Variants in SH2B3 observed in about 807,000 individuals in gnomAD.
SH2B3 encodes the protein SH2B adapter protein 3.
Under a neutral mutation model 51.9 loss-of-function variants are expected in SH2B3, and 43 were observed. That is an observed-to-expected ratio of 0.83 (90% confidence interval 0.65 to 1.07). The LOEUF (loss-of-function observed/expected upper bound fraction) is 1.07, where lower values mean the gene tolerates loss of function less well. Among genes scored for constraint, SH2B3 ranks in the 50% least tolerant of loss-of-function variants. SH2B3 has a pLI of 0.00. For missense variants in SH2B3, 952 were observed against 834.3 expected (o/e 1.14, Z -1.74); for synonymous variants, 396 against 376.0 (o/e 1.05, Z -0.62).
rs1871211047 is a variant in SH2B3 at position 111,418,083 on chromosome 12, T to A, written c.-27-36T>A. ...GCCTACACCTGCTTGCCCACCTGCT[T>A]ACTCCTTGTCGCCCCCCCACCCACG... On this transcript the variant is annotated intron_variant, in intron 1 of 7. Coordinates refer to ENST00000341259, the MANE Select transcript of SH2B3 (RefSeq NM_005475.3). This position sits in a 1 kb window ranked among gnomAD's most constrained non-coding sequence, Gnocchi z 6.7. 2 of 1,460,858 alleles carry A rather than the reference T, an allele frequency of 1.4e-6. No homozygotes were observed. The highest frequency in any genetic ancestry group is 1.4e-5 in the South Asian group (1 of 71,206). The allele number at this position is 1,460,858 out of a possible 1,614,324, so 90.5% of individuals were successfully genotyped here.
chr12:111,447,244 T>A, intron 5 of SH2B3, 25 bp downstream of exon 5: 1 of 1,598,804 alleles, frequency 6.3e-7, no homozygotes, highest in Non-Finnish European at 8.6e-7. Flanking sequence ...AGCTAGGCCA[T>A]TGTCTTCTGG....
intron 2 of SH2B3, among the ~76,000 whole-genome samples, chr12:111,445,235 A>G (rs929324482): frequency 6.6e-6 from 1 of 152,178 alleles, no homozygotes; most frequent in African/African-American, 2.4e-5. Flanking sequence ...GTGATCCTTA[A>G]GGCCTGCAGC....
At chr12:111,423,121 G>A (rs1460831222) in intron 2 of SH2B3, among the ~76,000 whole-genome samples, 1 of 152,204 alleles carries the variant, frequency 6.6e-6, no homozygotes, top group African/African-American at 2.4e-5. Flanking sequence ...AGATGAAGAG[G>A]CCGGTGTGGT....
At chr12:111,444,976 G>A in intron 2 of SH2B3, 2 of 687,428 alleles carry the variant, frequency 2.9e-6, no homozygotes, top group South Asian at 6.4e-5. Flanking sequence ...CCTGGGTTGT[G>A]CTCAGCCAGC....
intron 2 of SH2B3, among the ~76,000 whole-genome samples, chr12:111,426,501 G>A (rs915263854): frequency 6.6e-6 from 1 of 151,508 alleles, no homozygotes; most frequent in Admixed American, 6.6e-5. Context: ...TGGGATTACA[G>A]GCGTGAGCCA....
Position 111,447,150 on chromosome 12 carries a change from C to T in SH2B3, c.952C>T (p.His318Tyr). 1.9e-6 allele frequency: 3 copies of T among 1,613,964 alleles called. No individual in the cohort carries two copies. Among genetic ancestry groups the T allele is most frequent in the Non-Finnish European group, 2.5e-6 (3 of 1,179,820 alleles). Residue 318 changes from histidine to tyrosine, a missense_variant, in exon 5 of 8, where the codon CAT becomes TAT. Physicochemically the swap from His to Tyr is moderately conservative, Grantham distance 83 (BLOSUM62 2). Transcript: ENST00000341259. ...GCTGGAGAGCACAGAAGCAGAGATGCATATTCCCTCAGCCCTAGAGCCTAG... is the reference window on the plus strand; with the variant it reads ...GCTGGAGAGCACAGAAGCAGAGATGTATATTCCCTCAGCCCTAGAGCCTAG... Reference protein sequence around the residue: ...RGLESTEAEMHIPSALEPSTS... With the variant: ...RGLESTEAEMYIPSALEPSTS...
Position 111,448,225 on chromosome 12 carries a change from C to G in SH2B3, c.1651C>G (p.Arg551Gly), listed in dbSNP as rs376914049. 3 of 1,614,112 alleles carry G rather than the reference C, an allele frequency of 1.9e-6. No homozygotes were observed. The highest frequency in any genetic ancestry group is 2.5e-6 in the Non-Finnish European group (3 of 1,180,026). ...HLEHEPVNRA[R>G]DSDYEMDSSS... ...GGAGCATGAGCCTGTGAATCGAGCC[C>G]GGGACTCGGACTACGAAATGGACTC... Residue 551 changes from arginine (R) to glycine (G), a missense_variant, in exon 8 of 8, where the codon CGG (arginine) becomes GGG (glycine). Arg to Gly is a moderately radical substitution (Grantham distance 125). Coordinates refer to ENST00000341259, the MANE Select transcript of SH2B3 (RefSeq NM_005475.3).
At chr12:111,428,977 C>A (rs931395738) in intron 2 of SH2B3, among the ~76,000 whole-genome samples, 4 of 149,570 alleles carry the variant, frequency 2.7e-5, no homozygotes, top group African/African-American at 7.4e-5. Flanking sequence ...AAGGGACGTC[C>A]GCCGGAGGCC....
Position 111,447,531 on chromosome 12 carries a change from A to AG in SH2B3, c.1227dup (p.Ile410AspfsTer46), listed in dbSNP as rs2135619977. ...GAATACGTGCTCACTTTCAACTTTC[A>AG]GGGGATAGCCAAGGTATGGGGTGGG... is the stretch of plus-strand genomic sequence containing the variant. On this transcript the variant is annotated frameshift_variant, in exon 6 of 8. Coordinates refer to ENST00000341259, the MANE Select transcript of SH2B3 (RefSeq NM_005475.3). LOFTEE classifies it high-confidence loss of function. The AG allele has an allele frequency of 1.2e-6, 1 of 859,266 alleles. No homozygotes were observed. Among genetic ancestry groups the AG allele is most frequent in the South Asian group, 1.6e-5 (1 of 61,902 alleles). The allele number at this position is 859,266 out of a possible 1,614,324, so 53.2% of individuals were successfully genotyped here.
intron 2 of SH2B3, among the ~76,000 whole-genome samples, chr12:111,420,844 G>C (rs1871489679): frequency 6.6e-6 from 1 of 152,222 alleles, no homozygotes; most frequent in Non-Finnish European, 1.5e-5. Flanking sequence ...GAGGATAACT[G>C]AGGGGTCCCG....
At chr12:111,441,322 G>C (rs1182935347) in intron 2 of SH2B3, among the ~76,000 whole-genome samples, 1 of 150,982 alleles carries the variant, frequency 6.6e-6, no homozygotes, top group Non-Finnish European at 1.5e-5. Flanking sequence ...TGAGGCTGCA[G>C]TGAGCCAGCC....
At chr12:111,416,996 C>T (rs1871137936) in intron 1 of SH2B3, among the ~76,000 whole-genome samples, 1 of 152,240 alleles carries the variant, frequency 6.6e-6, no homozygotes, top group Non-Finnish European at 1.5e-5. Flanking sequence ...TTTGTGTACA[C>T]ATAAACATTA....
In SH2B3 at chr12:111,448,880, C is replaced by A. The variant is rs1874332304; in HGVS notation, c.*578C>A. ...AAAAATGATTTAAAACATTTTACCT[C>A]AGACTAATTTCTTTAAAGGATTCAG... On this transcript the variant is annotated 3_prime_UTR_variant, in exon 8 of 8. Transcript: ENST00000341259. The A allele has an allele frequency of 6.5e-6, 1 of 153,702 alleles. No homozygotes were observed. The highest frequency in any genetic ancestry group is 1.5e-5 in the Non-Finnish European group (1 of 68,844). The allele number at this position is 153,702 out of a possible 1,614,324, so 9.5% of individuals were successfully genotyped here.
At chr12:111,444,997 C>A in intron 2 of SH2B3, 2 of 443,938 alleles carry the variant, frequency 4.5e-6, no homozygotes, top group Non-Finnish European at 6.0e-6. Flanking sequence ...AGGCAGGTGG[C>A]AGCCAGGCTG....
rs1872261060 is a variant in SH2B3, at chr12:111,429,122, T to A, written c.732+10245T>A. Among the ~76,000 whole-genome samples the A allele has an allele frequency of 6.6e-6, 1 of 151,962 alleles. No individual in the cohort carries two copies. The highest frequency in any genetic ancestry group is 1.5e-5 in the Non-Finnish European group (1 of 67,962). ...GACAGGCGCGGCCCTGGCCTGCCCCTGCCCTTCTGAGCCTGTGACCCGGGG... is the reference window on the plus strand; with the variant it reads ...GACAGGCGCGGCCCTGGCCTGCCCCAGCCCTTCTGAGCCTGTGACCCGGGG... On this transcript the variant is annotated intron_variant, in intron 2 of 7. Transcript: ENST00000341259. This position sits in a 1 kb window ranked among gnomAD's most constrained non-coding sequence, Gnocchi z 4.4.
At position 111,418,469 on chromosome 12, in the gene SH2B3, CG is replaced by C; in HGVS notation, c.326del (p.Gly109AlafsTer88). The C allele has an allele frequency of 7.4e-7, 1 of 1,359,072 alleles. No individual in the cohort carries two copies. Among genetic ancestry groups the C allele is most frequent in the Non-Finnish European group, 9.4e-7 (1 of 1,062,206 alleles). 84.2% of individuals were successfully genotyped at this position (1,359,072 alleles called of 1,614,324 possible). ...CCGAGGCGTCCCCGGAGCCAGGCCCCGGCCCCGCCGCCCCTGGCCTGCCCAA... is the reference window on the plus strand; with the variant it reads ...CCGAGGCGTCCCCGGAGCCAGGCCCCGCCCCGCCGCCCCTGGCCTGCCCAA... ...KAEASPEPGP[G>X]PAAPGLPKAR... On this transcript the variant is annotated frameshift_variant, in exon 2 of 8. Transcript: ENST00000341259. LOFTEE classifies it high-confidence loss of function. The surrounding 1 kb of genome is among the most constrained non-coding windows in gnomAD (Gnocchi z 6.7).
At chr12:111,430,566 AGGGCTGT>A (rs1872391902) in intron 2 of SH2B3, among the ~76,000 whole-genome samples, 1 of 152,088 alleles carries the variant, frequency 6.6e-6, no homozygotes, top group South Asian at 2.1e-4. Flanking sequence ...TTGTGGGGTC[AGGGCTGT>A]GGGCTTGGAG....
Position 111,409,857 on chromosome 12 carries a change from G to T in SH2B3, c.-28+3580G>T, listed in dbSNP as rs1870548368. On this transcript the variant is annotated intron_variant, in intron 1 of 7. Transcript: ENST00000341259. The surrounding 1 kb of genome is among the most constrained non-coding windows in gnomAD (Gnocchi z 4.0). ...ATCCTTCCTCCCAGCAGGGGCAGAG[G>T]ACACTTCCCCAGGGGAACAGGTCCT... Among the ~76,000 whole-genome samples the T allele has an allele frequency of 1.3e-5, 2 of 152,214 alleles. No individual in the cohort carries two copies. The highest frequency in any genetic ancestry group is 4.8e-5 in the African/African-American group (2 of 41,450).
intron 2 of SH2B3, 80 bp from the exon 3 acceptor site, chr12:111,446,673 G>A: frequency 4.0e-6 from 3 of 750,774 alleles, no homozygotes; most frequent in South Asian, 1.9e-5. Flanking sequence ...GACTCCTGGG[G>A]AGACTATAGA....
Sources: allele counts gnomAD v4.1 joint callset (sites outside exome capture counted in the v4.1 genomes callset), GRCh38; gene constraint gnomAD v4.1.1; non-coding constraint Gnocchi (gnomAD v3.1); transcripts MANE v1.5; gene names NCBI Gene and HGNC (gene_info 2026-07-23, HGNC 2026-07-21).